Variants in FBN2 observed in about 807,000 individuals in gnomAD.
FBN2 encodes the protein fibrillin-2.
In FBN2, 105 loss-of-function variants were observed where a neutral mutation model predicts 355.6. The ratio of observed to expected loss-of-function variants is 0.30; its 90% CI spans 0.25 to 0.35. FBN2 has a LOEUF of 0.35. Among genes scored for constraint, FBN2 ranks in the 10% least tolerant of loss-of-function variants. FBN2 has a pLI of 1.00. For missense variants in FBN2, 3,280 were observed against 3,758.7 expected (o/e 0.87, Z 3.33); for synonymous variants, 1,350 against 1,301.2 (o/e 1.04, Z -0.81).
intron 19 of FBN2, among the ~76,000 whole-genome samples, chr5:128,360,364 C>A (rs907639853): frequency 2.0e-5 from 3 of 152,094 alleles, no homozygotes; most frequent in Non-Finnish European, 4.4e-5. Flanking sequence ...AAAGAGGACT[C>A]TCATAACCTA....
intron 6 of FBN2, among the ~76,000 whole-genome samples, chr5:128,464,386 T>A (rs187876303): frequency 6.6e-6 from 1 of 152,322 alleles, no homozygotes; most frequent in Admixed American, 6.5e-5. Context: ...AAATAGGTTT[T>A]TCCTGGGTAT....
intron 36 of FBN2, among the ~76,000 whole-genome samples, 197 bp from the exon 37 acceptor site, chr5:128,312,992 C>A (rs1193387913): frequency 6.6e-6 from 1 of 152,178 alleles, no homozygotes; most frequent in African/African-American, 2.4e-5. Context: ...TCATGGCAGA[C>A]TTTCCTATAT....
rs547582333 is a variant in FBN2, at chr5:128,404,555, G to A, written c.1078+4119C>T. ...AAGAGATGCCAAAGGCTGCAAGGCC[G>A]CTATAATCAACATGAAGTTCTTACA... is the stretch of plus-strand genomic sequence containing the variant. On this transcript the variant is annotated intron_variant, in intron 8 of 64. Coordinates refer to ENST00000262464, the MANE Select transcript of FBN2 (RefSeq NM_001999.4). Among the ~76,000 whole-genome samples, 9 of 152,324 alleles carry A rather than the reference G, an allele frequency of 5.9e-5. No homozygotes were observed. The South Asian group carries it at 1.0e-3, about 18-fold the overall frequency.
At chr5:128,482,177 T>C (rs1431887358) in intron 5 of FBN2, among the ~76,000 whole-genome samples, 4 of 151,872 alleles carry the variant, frequency 2.6e-5, no homozygotes, top group Admixed American at 2.6e-4. Context: ...GGAGAGAAAA[T>C]GTGGATATTA....
chr5:128,260,132 T>G (rs1764929094), intron 64 of FBN2, among the ~76,000 whole-genome samples: 1 of 152,180 alleles, frequency 6.6e-6, no homozygotes, highest in South Asian at 2.1e-4. Context: ...AAGTTTTTTT[T>G]GATGAGTTTA....
intron 5 of FBN2, among the ~76,000 whole-genome samples, chr5:128,508,641 A>T (rs1306532317): frequency 6.6e-6 from 1 of 152,058 alleles, no homozygotes; most frequent in Non-Finnish European, 1.5e-5. Context: ...GAAAAGTATT[A>T]TATATTTACC....
At chr5:128,403,371 T>A (rs1013148976) in intron 8 of FBN2, among the ~76,000 whole-genome samples, 6 of 152,346 alleles carry the variant, frequency 3.9e-5, no homozygotes, top group African/African-American at 1.4e-4. Flanking sequence ...GGCACCATCA[T>A]ATTACTGGAA....
intron 49 of FBN2, 79 bp downstream of exon 49, chr5:128,291,450 A>G: frequency 6.6e-7 from 1 of 1,513,948 alleles, no homozygotes; most frequent in Middle Eastern, 1.7e-4. Flanking sequence ...GTTAGGACTA[A>G]TACCAGCATG....
chr5:128,334,980 T>C, intron 30 of FBN2, 136 bp from the exon 31 acceptor site: 1 of 1,137,870 alleles, frequency 8.8e-7, no homozygotes, highest in Non-Finnish European at 1.3e-6. Flanking sequence ...CATCGTGTTA[T>C]AGATAAATAT....
chr5:128,315,130 C>T (rs905500190), intron 36 of FBN2, among the ~76,000 whole-genome samples: 1 of 151,880 alleles, frequency 6.6e-6, no homozygotes, highest in Non-Finnish European at 1.5e-5. Flanking sequence ...TCCAAGGAAC[C>T]CTTTAATTTT....
intron 55 of FBN2, among the ~76,000 whole-genome samples, chr5:128,280,613 G>A (rs1765511057): frequency 6.6e-6 from 1 of 152,092 alleles, no homozygotes; most frequent in African/African-American, 2.4e-5. Context: ...GAATTGCCCT[G>A]AGACACCAGG....
At chr5:128,460,941 G>C (rs943071648) in intron 6 of FBN2, among the ~76,000 whole-genome samples, 4 of 152,076 alleles carry the variant, frequency 2.6e-5, no homozygotes, top group Non-Finnish European at 5.9e-5. Context: ...ACATAGGCAT[G>C]GGGGGAGACT....
chr5:128,378,008 G>GTTTTT lies in FBN2; in HGVS notation c.1724-136_1724-132dup, dbSNP rs373419300. 1,362 of 508,226 alleles carry GTTTTT rather than the reference G, an allele frequency of 2.7e-3. 1 individual carries two copies. Among genetic ancestry groups the GTTTTT allele is most frequent in the Non-Finnish European group, 3.3e-3 (1,001 of 304,196 alleles). The allele number at this position is 508,226 out of a possible 1,614,324, so 31.5% of individuals were successfully genotyped here. A position where few individuals can be genotyped will look rare whatever the true frequency, so the allele number is the denominator to read the frequency against. ...TTAGCAAAATTTCTGTCTCTCAGCAGTTTTTTTTTTTTTTTTTGGATAGGT... is the reference window on the plus strand; with the variant it reads ...TTAGCAAAATTTCTGTCTCTCAGCAGTTTTTTTTTTTTTTTTTTTTTTGGATAGGT... On this transcript the variant is annotated intron_variant, in intron 12 of 64. Transcript: ENST00000262464.
intron 7 of FBN2, among the ~76,000 whole-genome samples, chr5:128,418,158 T>A (rs1231014346): frequency 6.6e-6 from 1 of 152,196 alleles, no homozygotes; most frequent in African/African-American, 2.4e-5. Flanking sequence ...TTCTGTGGTA[T>A]CAGTTGTTAT....
At chr5:128,369,897 T>C (rs1403840137) in intron 15 of FBN2, among the ~76,000 whole-genome samples, 2 of 152,158 alleles carry the variant, frequency 1.3e-5, no homozygotes, top group South Asian at 2.1e-4. Context: ...TTAACTACCA[T>C]ATGTGCTCTT....
chr5:128,328,521 G>C (rs1404986465), intron 34 of FBN2, 175 bp downstream of exon 34: 13 of 734,618 alleles, frequency 1.8e-5, no homozygotes, highest in Non-Finnish European at 3.1e-5. Context: ...AGAGATGAAA[G>C]CCGCCATCAT....
chr5:128,355,070 G>A (rs965861501), intron 20 of FBN2, among the ~76,000 whole-genome samples: 14 of 152,172 alleles, frequency 9.2e-5, no homozygotes, highest in Non-Finnish European at 1.8e-4. Context: ...CTCAGTAAAG[G>A]AAAGAGAAAA....
At chr5:128,387,464 C>T (rs1049549036) in intron 11 of FBN2, among the ~76,000 whole-genome samples, 17 of 152,076 alleles carry the variant, frequency 1.1e-4, no homozygotes, top group African/African-American at 2.9e-4. Flanking sequence ...CAACTTCATT[C>T]GGTTCAGCTC....
intron 9 of FBN2, among the ~76,000 whole-genome samples, 175 bp downstream of exon 9, chr5:128,394,947 G>A (rs537686744): frequency 1.3e-5 from 2 of 152,168 alleles, no homozygotes; most frequent in East Asian, 3.9e-4. Context: ...CACCATGCCC[G>A]GCTAATTTTT....
Sources: gnomAD v4.1 joint callset for allele counts (sites outside exome capture counted in the v4.1 genomes callset) on GRCh38, gnomAD v4.1.1 for gene constraint, MANE v1.5 for transcripts, NCBI Gene and HGNC (gene_info 2026-07-23, HGNC 2026-07-21) for gene names.